NEK11: variants seen among roughly 807,000 people sequenced by gnomAD.
NEK11 encodes the protein serine/threonine-protein kinase Nek11.
In NEK11, 72 loss-of-function variants were observed where a neutral mutation model predicts 80.7. The observed-to-expected ratio is 0.89, with a 90% CI of 0.74 to 1.08. The LOEUF (loss-of-function observed/expected upper bound fraction) is 1.08, where lower values mean the gene tolerates loss of function less well. NEK11 is among the 50% of genes least tolerant of loss of function. The pLI, the probability that NEK11 is intolerant of heterozygous loss-of-function variation, is 0.00. For synonymous variants in NEK11, 251 were observed against 260.7 expected, an observed-to-expected ratio of 0.96 and a Z score of 0.36; for missense variants, 764 against 763.6, an observed-to-expected ratio of 1.00 and a Z score of -0.01.
chr3:131,335,433 ACT>A lies in NEK11; in HGVS notation c.1719-14120_1719-14119del, dbSNP rs376006546. Among the ~76,000 whole-genome samples the A allele has an allele frequency of 1.6e-3, 249 of 152,266 alleles. 4 individuals are homozygous for A. The South Asian group carries it at 0.027, about 17-fold the overall frequency. ...AAATTCAACAACCTTCATGCTAAAA[ACT>A]CTCAATAAATTAGGTATTGATGGGA... On this transcript the variant is annotated intron_variant, in intron 17 of 17. Coordinates refer to ENST00000383366, the MANE Select transcript of NEK11 (RefSeq NM_024800.5).
In NEK11 at chr3:131,056,298, A is replaced by G. The variant is rs558318234; in HGVS notation, c.171-24125A>G. 1.2e-4 allele frequency among the ~76,000 whole-genome samples: 18 copies of G among 152,276 alleles called. No individual in the cohort carries two copies. In the South Asian group the frequency reaches 3.1e-3, roughly 26 times the overall value. ...TTGCCCCATCTCTCCCCTTGTAGAC[A>G]TGGTCTCCTTGCCTATGTTAGGAGT... On this transcript the variant is annotated intron_variant, in intron 3 of 17. Coordinates refer to ENST00000383366, the MANE Select transcript of NEK11 (RefSeq NM_024800.5).
chr3:131,154,288 A>C (rs2090242270), intron 9 of NEK11, among the ~76,000 whole-genome samples: 1 of 152,134 alleles, frequency 6.6e-6, no homozygotes, highest in Non-Finnish European at 1.5e-5. Flanking sequence ...CAAAAAAAAA[A>C]TGGGTCAAAA....
intron 5 of NEK11, among the ~76,000 whole-genome samples, chr3:131,122,971 G>C (rs2082654042): frequency 6.6e-6 from 1 of 152,172 alleles, no homozygotes; most frequent in South Asian, 2.1e-4. Context: ...ATATGGTATG[G>C]TGCACTTGAG....
intron 3 of NEK11, among the ~76,000 whole-genome samples, chr3:131,062,647 C>A (rs1443428432): frequency 6.6e-6 from 1 of 152,170 alleles, no homozygotes; most frequent in Non-Finnish European, 1.5e-5. Context: ...TCTTTTCTAG[C>A]GTTTTGAATA....
chr3:131,298,369 G>GAGGT (rs201796482), intron 17 of NEK11, among the ~76,000 whole-genome samples: 3,183 of 152,212 alleles, frequency 0.021, 102 homozygotes, highest in African/African-American at 0.072. Context: ...TCTCCTTGAA[G>GAGGT]AGGTCCTTCA....
chr3:131,076,615 G>C (rs542658643), intron 3 of NEK11, among the ~76,000 whole-genome samples: 2 of 152,152 alleles, frequency 1.3e-5, no homozygotes, highest in Non-Finnish European at 2.9e-5. Flanking sequence ...AAAGTTACTC[G>C]TTTGTCTAAG....
chr3:131,158,298 T>C (rs2091031535), intron 10 of NEK11, among the ~76,000 whole-genome samples: 1 of 152,132 alleles, frequency 6.6e-6, no homozygotes, highest in South Asian at 2.1e-4. Context: ...ACCCTCCCCA[T>C]GTTGCTTTTC....
At chr3:131,315,888 A>T (rs2096834068) in intron 17 of NEK11, among the ~76,000 whole-genome samples, 1 of 152,094 alleles carries the variant, frequency 6.6e-6, no homozygotes, top group Admixed American at 6.5e-5. Flanking sequence ...ACATGATTTC[A>T]TTCCTTCTTA....
intron 7 of NEK11, among the ~76,000 whole-genome samples, chr3:131,136,390 A>G (rs1288082847): frequency 6.6e-6 from 1 of 152,194 alleles, no homozygotes; most frequent in Non-Finnish European, 1.5e-5. Context: ...ATTAGATTGA[A>G]TGAGGTTGAG....
At chr3:131,123,744 C>G (rs2082796279) in intron 5 of NEK11, among the ~76,000 whole-genome samples, 1 of 151,982 alleles carries the variant, frequency 6.6e-6, no homozygotes, top group South Asian at 2.1e-4. Flanking sequence ...AGTTACAGCA[C>G]CAAGTCTTCT....
intron 17 of NEK11, among the ~76,000 whole-genome samples, chr3:131,299,647 G>A (rs749125374): frequency 5.3e-5 from 8 of 151,876 alleles, no homozygotes; most frequent in Non-Finnish European, 1.0e-4. Context: ...CTATTCCTGT[G>A]TTAGCTTGCT....
At chr3:131,054,581 C>T (rs888306633) in intron 3 of NEK11, 4 of 151,078 alleles carry the variant, frequency 2.6e-5, no homozygotes, top group African/African-American at 9.7e-5. Flanking sequence ...ATGGTGAAAC[C>T]CTGTCTTTAC....
At chr3:131,271,131 AG>A (rs1457768521) in intron 16 of NEK11, among the ~76,000 whole-genome samples, 3 of 152,194 alleles carry the variant, frequency 2.0e-5, no homozygotes, top group African/African-American at 7.2e-5. Context: ...AGTTGCAGTG[AG>A]GGCCGAGGCA....
intron 3 of NEK11, 135 bp downstream of exon 3, chr3:131,030,013 G>T (rs934565062): frequency 2.6e-6 from 2 of 763,472 alleles, no homozygotes; most frequent in African/African-American, 1.7e-5. Flanking sequence ...GCCAAGGTTG[G>T]CAGATCACTT....
intron 14 of NEK11, among the ~76,000 whole-genome samples, chr3:131,207,128 T>C (rs112897156): frequency 0.017 from 2,576 of 152,294 alleles, 68 homozygotes; most frequent in African/African-American, 0.059. Flanking sequence ...AATAAACATA[T>C]GCGCACATGT....
At chr3:131,073,646 A>G (rs2073831287) in intron 3 of NEK11, among the ~76,000 whole-genome samples, 1 of 152,138 alleles carries the variant, frequency 6.6e-6, no homozygotes, top group South Asian at 2.1e-4. Flanking sequence ...GAGGCACTTT[A>G]TTTTACTTTG....
chr3:131,312,392 G>C (rs1039815677), intron 17 of NEK11, among the ~76,000 whole-genome samples: 3 of 152,138 alleles, frequency 2.0e-5, no homozygotes, highest in Non-Finnish European at 4.4e-5. Context: ...GTGAGGGTGG[G>C]ATAATCATTG....
intron 14 of NEK11, among the ~76,000 whole-genome samples, chr3:131,194,529 A>C (rs910935155): frequency 6.6e-6 from 1 of 151,980 alleles, no homozygotes; most frequent in South Asian, 2.1e-4. Context: ...TCTCTTCCCC[A>C]CTGTTCAAAA....
chr3:131,130,908 T>C (rs2084328816), intron 5 of NEK11, among the ~76,000 whole-genome samples: 1 of 152,160 alleles, frequency 6.6e-6, no homozygotes, highest in African/African-American at 2.4e-5. Flanking sequence ...TTCAAGCGAT[T>C]CTCCTGCCAC....
Sources: gnomAD v4.1 joint callset for allele counts (sites outside exome capture counted in the v4.1 genomes callset) on GRCh38, gnomAD v4.1.1 for gene constraint, MANE v1.5 for transcripts, NCBI Gene and HGNC (gene_info 2026-07-23, HGNC 2026-07-21) for gene names.